REV1: variants seen among roughly 807,000 people sequenced by gnomAD.
The protein encoded by REV1 is translesion synthesis protein REV1.
Under a neutral mutation model 137.4 loss-of-function variants are expected in REV1, and 42 were observed. That is an observed-to-expected ratio of 0.31 (90% confidence interval 0.24 to 0.40). The LOEUF is 0.40. Ranked by LOEUF, REV1 falls within the 10% of genes least tolerant of loss-of-function variation. The pLI is 1.00. For missense variants in REV1, 1,282 were observed against 1,490.1 expected (o/e 0.86, Z 2.30); for synonymous variants, 524 against 519.2 (o/e 1.01, Z -0.12).
chr2:99,434,255 T>A (rs975826981), intron 8 of REV1, 77 bp downstream of exon 8: 6 of 878,932 alleles, frequency 6.8e-6, no homozygotes, highest in Non-Finnish European at 8.7e-6. Flanking sequence ...CTCATTTCTA[T>A]TAACAACCAT....
intron 12 of REV1, among the ~76,000 whole-genome samples, chr2:99,415,597 A>ACTGAGCAAGGTTCTC (rs1442006497): frequency 2.6e-5 from 4 of 152,238 alleles, no homozygotes; most frequent in African/African-American, 9.6e-5. Context: ...CCATGTGACC[A>ACTGAGCAAGGTTCTC]CTGAGCACTT....
At position 99,440,483 on chromosome 2, in the gene REV1, C is replaced by A. The variant is rs532666854; in HGVS notation, c.504-1173G>T. 2.6e-5 allele frequency among the ~76,000 whole-genome samples: 4 copies of A among 152,328 alleles called. No individual in the cohort carries two copies. The South Asian group carries it at 8.3e-4, about 32-fold the overall frequency. On this transcript the variant is annotated intron_variant, in intron 5 of 22. Transcript: ENST00000258428. The stretch of plus-strand genomic sequence containing the variant: ...AAAAGTCCCACAAGCTGGATGATCA[C>A]CCATTTCTGGGTTAGCTCAGGCTCT...
At chr2:99,431,553 G>C (rs1680133396) in intron 8 of REV1, among the ~76,000 whole-genome samples, 1 of 152,182 alleles carries the variant, frequency 6.6e-6, no homozygotes, top group Non-Finnish European at 1.5e-5. Context: ...GTGTAACCAT[G>C]AGTTATGCCT....
intron 7 of REV1, among the ~76,000 whole-genome samples, chr2:99,434,996 C>A (rs1180599010): frequency 6.6e-6 from 1 of 151,954 alleles, no homozygotes. Flanking sequence ...TGTTAAGTTA[C>A]AAGATTACTA....
At chr2:99,438,078 ATTTG>A (rs2104811293) in intron 6 of REV1, among the ~76,000 whole-genome samples, 1 of 152,354 alleles carries the variant, frequency 6.6e-6, no homozygotes, top group Admixed American at 6.5e-5. Flanking sequence ...CTGTGTGTGC[ATTTG>A]TTTTTGATGA....
At position 99,442,341 on chromosome 2, in the gene REV1, A is replaced by C. The variant is rs752932708; in HGVS notation, c.479T>G (p.Ile160Arg). 1 of 1,610,672 alleles carries C rather than the reference A, an allele frequency of 6.2e-7. No individual in the cohort carries two copies. The highest frequency in any genetic ancestry group is 1.1e-5 in the South Asian group (1 of 91,016). ...PEDPLPGPSN[I>R]AKQLNNRVNH... ...CACCCTGTTGTTGAGCTGTTTGGCT[A>C]TATTGCTTGGACCTGGCAGAGGATC... The change falls in exon 5 of 23, where the codon ATA becomes AGA. Residue 160 changes from isoleucine to arginine, a missense_variant. By Grantham distance (97) the Ile-to-Arg change is moderately conservative (BLOSUM62 -3). Coordinates refer to ENST00000258428, the MANE Select transcript of REV1 (RefSeq NM_016316.4).
At position 99,442,381 on chromosome 2, in the gene REV1, C is replaced by T. The variant is rs748935126; in HGVS notation, c.439G>A (p.Val147Ile). 1.2e-6 allele frequency: 2 copies of T among 1,611,792 alleles called. No individual in the cohort carries two copies. The highest frequency in any genetic ancestry group is 1.3e-5 in the African/African-American group (1 of 74,582). ...GGCAGAGGATCCTCAGGTCTGCATA[C>T]AGGATTAAAGCTGAGACCTTTCTGC... is the stretch of plus-strand genomic sequence containing the variant. ...SVQKGLSFNP[V>I]CRPEDPLPGP... The change falls in exon 5 of 23, where the codon GTA becomes ATA. Residue 147 changes from valine (V) to isoleucine (I), a missense_variant. Val to Ile is a conservative substitution (Grantham distance 29). Transcript: ENST00000258428.
Position 99,406,010 on chromosome 2 carries a change from G to C in REV1, c.2711C>G (p.Thr904Ser). 2.5e-6 allele frequency: 4 copies of C among 1,614,102 alleles called. No individual in the cohort carries two copies. The highest frequency in any genetic ancestry group is 2.5e-6 in the Non-Finnish European group (3 of 1,179,984). Residue 904 changes from threonine to serine, a missense_variant, in exon 17 of 23, where the codon ACT becomes AGT. Around this residue, in one of 7 missense-constraint regions of REV1, gnomAD observed 135 missense variants for 123.3 expected, o/e 1.10. Coordinates refer to ENST00000258428, the MANE Select transcript of REV1 (RefSeq NM_016316.4). The part of the protein sequence containing the change: ...FPAHLPTSPD[T>S]NKAESSGKWN... ...TTTCCCTGAAGACTCAGCCTTGTTA[G>C]TATCAGGACTGGTCGGCAGATGTGC...
chr2:99,403,452 T>C, intron 19 of REV1: 1 of 581,880 alleles, frequency 1.7e-6, no homozygotes, highest in South Asian at 2.3e-5. Context: ...TTTGTGGTAA[T>C]GTCCTATTCC....
At chr2:99,463,083 AT>A (rs1684410863) in intron 2 of REV1, among the ~76,000 whole-genome samples, 1 of 151,888 alleles carries the variant, frequency 6.6e-6, no homozygotes, top group South Asian at 2.1e-4. Context: ...GCAAGACTCC[AT>A]CTCAAAAAAA....
Position 99,401,200 on chromosome 2 carries a change from A to G in REV1, c.*41T>C, listed in dbSNP as rs1675344213. 1.6e-6 allele frequency: 2 copies of G among 1,255,844 alleles called. No individual in the cohort carries two copies. The highest frequency in any genetic ancestry group is 2.3e-6 in the Non-Finnish European group (2 of 855,642). The allele number at this position is 1,255,844 out of a possible 1,614,324, so 77.8% of individuals were successfully genotyped here. On this transcript the variant is annotated 3_prime_UTR_variant, in exon 23 of 23. Transcript: ENST00000258428. The stretch of plus-strand genomic sequence containing the variant: ...CTTTGCAAATACCTCACAAGCACTT[A>G]TGGCACAGCTATCAGAGAGCATCAG...
At chr2:99,488,793 T>A (rs1489786171) in intron 1 of REV1, among the ~76,000 whole-genome samples, 1 of 152,190 alleles carries the variant, frequency 6.6e-6, no homozygotes, top group Non-Finnish European at 1.5e-5. Context: ...GGAAATGGCT[T>A]ATTCTCGGAG....
At chr2:99,465,222 A>G (rs537065043) in intron 1 of REV1, among the ~76,000 whole-genome samples, 72 of 152,262 alleles carry the variant, frequency 4.7e-4, no homozygotes, top group Admixed American at 9.2e-4. Flanking sequence ...TTAAAATTCA[A>G]TAGAAAAATA....
At chr2:99,450,734 CA>C (rs1325583745) in intron 3 of REV1, among the ~76,000 whole-genome samples, 2 of 151,904 alleles carry the variant, frequency 1.3e-5, no homozygotes, top group Non-Finnish European at 2.9e-5. Context: ...CCAATATATC[CA>C]AAATATTATT....
intron 22 of REV1, among the ~76,000 whole-genome samples, 194 bp downstream of exon 22, chr2:99,402,050 T>C (rs1042779510): frequency 2.0e-5 from 3 of 152,184 alleles, no homozygotes; most frequent in Non-Finnish European, 4.4e-5. Flanking sequence ...GGTTTTTTAA[T>C]CACATGTAAG....
intron 1 of REV1, among the ~76,000 whole-genome samples, chr2:99,467,271 A>C (rs1684914476): frequency 6.6e-6 from 1 of 152,162 alleles, no homozygotes; most frequent in Non-Finnish European, 1.5e-5. Flanking sequence ...TTAAAAAAAA[A>C]AACAGCTATT....
intron 5 of REV1, among the ~76,000 whole-genome samples, chr2:99,440,812 A>G (rs1681395087): frequency 6.6e-6 from 1 of 152,214 alleles, no homozygotes; most frequent in African/African-American, 2.4e-5. Flanking sequence ...TTTTGTGTCA[A>G]AAACATTCAG....
Position 99,410,766 on chromosome 2 carries a change from C to G in REV1, c.2274G>C (p.Met758Ile). Residue 758 changes from methionine to isoleucine, a missense_variant, in exon 14 of 23, where the codon ATG becomes ATC. Around this residue, in one of 7 missense-constraint regions of REV1, gnomAD observed 372 missense variants for 482.3 expected, o/e 0.77. Coordinates refer to ENST00000258428, the MANE Select transcript of REV1 (RefSeq NM_016316.4). ...CTACAGGAGCCCCAGGCTTTCGTACCATGATTTTGAGAGTTAGACGTTTAC... is the reference window on the plus strand; with the variant it reads ...CTACAGGAGCCCCAGGCTTTCGTACGATGATTTTGAGAGTTAGACGTTTAC... ...MKGKRLTLKI[M>I]VRKPGAPVET... The G allele has an allele frequency of 1.2e-6, 2 of 1,611,872 alleles. No individual in the cohort carries two copies. The highest frequency in any genetic ancestry group is 1.7e-6 in the Non-Finnish European group (2 of 1,179,452).
At chr2:99,433,341 C>T (rs1680349945) in intron 8 of REV1, among the ~76,000 whole-genome samples, 1 of 152,030 alleles carries the variant, frequency 6.6e-6, no homozygotes, top group Non-Finnish European at 1.5e-5. Context: ...ATTTAAAGAC[C>T]AAGAAAACCT....
Sources: allele counts gnomAD v4.1 joint callset (sites outside exome capture counted in the v4.1 genomes callset), GRCh38; gene constraint gnomAD v4.1.1; regional missense constraint gnomAD v4.1.1; transcripts MANE v1.5; gene names NCBI Gene and HGNC (gene_info 2026-07-23, HGNC 2026-07-21).